WBP2NL: variants seen among roughly 807,000 people sequenced by gnomAD.
The protein encoded by WBP2NL is WBP2 N-terminal like, also known as postacrosomal sheath WW domain-binding protein.
A neutral mutation model predicts 23.3 loss-of-function variants in WBP2NL; 27 were observed. The ratio of observed to expected loss-of-function variants is 1.16; its 90% CI spans 0.85 to 1.60. The LOEUF (loss-of-function observed/expected upper bound fraction) is 1.60, where lower values mean the gene tolerates loss of function less well. WBP2NL is among the 40% of genes most tolerant of loss of function. The pLI, the probability that WBP2NL is intolerant of heterozygous loss-of-function variation, is 0.00. For missense variants in WBP2NL, 370 were observed against 389.5 expected (o/e 0.95, Z 0.42); for synonymous variants, 151 against 145.9 (o/e 1.03, Z -0.25).
chr22:42,023,360 T>G (rs1221474483), intron 5 of WBP2NL, among the ~76,000 whole-genome samples: 1 of 151,934 alleles, frequency 6.6e-6, no homozygotes, highest in South Asian at 2.1e-4. Flanking sequence ...GCCCGGCTAA[T>G]TTTTATGTGT....
Position 42,001,010 on chromosome 22 carries a change from A to G in WBP2NL, c.62+2130A>G, listed in dbSNP as rs540948652. 5.0e-6 allele frequency: 3 copies of G among 594,324 alleles called. No homozygotes were observed. In the Admixed American group the frequency reaches 7.8e-5, roughly 15 times the overall value. The allele number at this position is 594,324 out of a possible 1,614,324, so 36.8% of individuals were successfully genotyped here. A position where few individuals can be genotyped will look rare whatever the true frequency, so the allele number is the denominator to read the frequency against. ...TCCGTCTCAAAAAAAAAGAATGCTC[A>G]AGATATGTCATATAATACAACATGC... On this transcript the variant is annotated intron_variant, in intron 1 of 5. Coordinates refer to ENST00000328823, the MANE Select transcript of WBP2NL (RefSeq NM_152613.3).
intron 8 of WBP2NL, among the ~76,000 whole-genome samples, chr22:42,050,643 A>G (rs986861424): frequency 6.8e-6 from 1 of 146,662 alleles, no homozygotes; most frequent in Non-Finnish European, 1.5e-5. Flanking sequence ...GTGAGACTCC[A>G]TTCCCCCGTC....
At chr22:42,029,858 G>A (rs1924823945), downstream of WBP2NL, 1 of 152,138 alleles carries the variant, frequency 6.6e-6, no homozygotes, top group African/African-American at 2.4e-5. Flanking sequence ...ATTGTTTCCA[G>A]GTTTTTGTTA....
At chr22:42,019,582 C>G in intron 2 of WBP2NL, 80 bp from the exon 3 acceptor site, 1 of 1,582,302 alleles carries the variant, frequency 6.3e-7, no homozygotes, top group South Asian at 1.1e-5. Context: ...TCAGTTAGAC[C>G]AGAATGCACC....
downstream of WBP2NL, among the ~76,000 whole-genome samples, chr22:42,034,247 A>G (rs990720155): frequency 8.5e-5 from 13 of 152,236 alleles, no homozygotes; most frequent in African/African-American, 2.7e-4. Flanking sequence ...ACCTGCCCCA[A>G]TAATCACGTA....
downstream of WBP2NL, among the ~76,000 whole-genome samples, chr22:42,033,295 G>A (rs532872391): frequency 2.6e-4 from 39 of 152,318 alleles, no homozygotes; most frequent in African/African-American, 8.2e-4. Context: ...GTGCCCAGAA[G>A]CTTGGAGATG....
At chr22:42,023,564 G>A (rs913786853) in intron 5 of WBP2NL, among the ~76,000 whole-genome samples, 1 of 151,622 alleles carries the variant, frequency 6.6e-6, no homozygotes, top group African/African-American at 2.4e-5. Context: ...GTGCAGTGGC[G>A]CGATGCAAGC....
At chr22:42,032,588 C>T (rs899747262), downstream of WBP2NL, 3 of 281,998 alleles carry the variant, frequency 1.1e-5, no homozygotes, top group African/African-American at 2.2e-5. Context: ...AATGTAGAAG[C>T]CCAATTCAAA....
At chr22:42,009,969 T>C (rs2146767945) in intron 1 of WBP2NL, among the ~76,000 whole-genome samples, 1 of 152,354 alleles carries the variant, frequency 6.6e-6, no homozygotes, top group South Asian at 2.1e-4. Context: ...ATTTATGTCT[T>C]CAATATTTTT....
At chr22:42,055,361 G>A (rs1925992349) in intron 8 of WBP2NL, among the ~76,000 whole-genome samples, 1 of 152,212 alleles carries the variant, frequency 6.6e-6, no homozygotes, top group African/African-American at 2.4e-5. Context: ...TTTTAGTAGA[G>A]ATGGGGTTTC....
At chr22:42,049,700 CAAAACAAAAAA>C (rs1298999122) in intron 8 of WBP2NL, among the ~76,000 whole-genome samples, 371 of 36,424 alleles carry the variant, frequency 0.01, 1 homozygote, top group Middle Eastern at 0.071. Flanking sequence ...CAAAACAAAA[CAAAACAAAAAA>C]AAAAAAAAAA....
At chr22:42,001,842 C>CT in intron 1 of WBP2NL, 1 of 1,360,890 alleles carries the variant, frequency 7.3e-7, no homozygotes, top group Non-Finnish European at 1.0e-6. Context: ...GATCTGCTTG[C>CT]TGGCATGCTG....
chr22:42,007,327 A>T (rs1922345349), intron 1 of WBP2NL, among the ~76,000 whole-genome samples: 1 of 152,228 alleles, frequency 6.6e-6, no homozygotes, highest in Admixed American at 6.5e-5. Flanking sequence ...TCTTTGGGAT[A>T]GGGGAATTGT....
At position 42,019,807 on chromosome 22, in the gene WBP2NL, A is replaced by G. The variant is rs757621426; in HGVS notation, c.313+4A>G. The G allele has an allele frequency of 2.1e-5, 34 of 1,614,072 alleles. No homozygotes were observed. The Admixed American group carries it at 5.7e-4, about 27-fold the overall frequency. On this transcript the variant is annotated splice_donor_region_variant and intron_variant, in intron 3 of 5. Transcript: ENST00000328823. ...ACTATTCAGGCAGCTCCATATGGTA[A>G]GTGTTCCCTCAGAAGTGTGTATTTT... is the stretch of plus-strand genomic sequence containing the variant.
chr22:42,013,425 A>G (rs867975703), intron 1 of WBP2NL, among the ~76,000 whole-genome samples: 9 of 151,962 alleles, frequency 5.9e-5, no homozygotes, highest in African/African-American at 2.4e-5. Context: ...AAAAGAAATC[A>G]GCTGCTAGTC....
At chr22:42,020,625 T>C (rs1923804442) in intron 4 of WBP2NL, among the ~76,000 whole-genome samples, 1 of 151,914 alleles carries the variant, frequency 6.6e-6, no homozygotes, top group African/African-American at 2.4e-5. Context: ...ACCTCAGATA[T>C]CTACTGAGCG....
intron 5 of WBP2NL, among the ~76,000 whole-genome samples, chr22:42,023,333 C>G (rs987454218): frequency 2.0e-5 from 3 of 151,974 alleles, no homozygotes; most frequent in Admixed American, 2.0e-4. Context: ...GCTAGGACCA[C>G]AGGCGCAATC....
Position 42,019,808 on chromosome 22 carries a change from G to A in WBP2NL, c.313+5G>A. On this transcript the variant is annotated splice_donor_5th_base_variant and intron_variant, in intron 3 of 5. Transcript: ENST00000328823. The stretch of plus-strand genomic sequence containing the variant: ...CTATTCAGGCAGCTCCATATGGTAA[G>A]TGTTCCCTCAGAAGTGTGTATTTTT... The A allele has an allele frequency of 6.2e-7, 1 of 1,614,052 alleles. No individual in the cohort carries two copies. Among genetic ancestry groups the A allele is most frequent in the Non-Finnish European group, 8.5e-7 (1 of 1,179,998 alleles).
chr22:42,049,591 G>A (rs994345245), intron 8 of WBP2NL, among the ~76,000 whole-genome samples: 6 of 150,886 alleles, frequency 4.0e-5, no homozygotes, highest in African/African-American at 7.3e-5. Context: ...TCAGGAGGCT[G>A]AGGCAGGAGA....
Sources: gnomAD v4.1 joint callset for allele counts (sites outside exome capture counted in the v4.1 genomes callset) on GRCh38, gnomAD v4.1.1 for gene constraint, MANE v1.5 for transcripts, NCBI Gene and HGNC (gene_info 2026-07-23, HGNC 2026-07-21) for gene names.